Variants in RALY observed in about 807,000 individuals in gnomAD.
RALY encodes RALY heterogeneous nuclear ribonucleoprotein, also known as RNA-binding protein Raly.
A neutral mutation model predicts 30.7 loss-of-function variants in RALY; 15 were observed. The ratio of observed to expected loss-of-function variants is 0.49; its 90% CI spans 0.33 to 0.75. RALY has a LOEUF of 0.75. Among genes scored for constraint, RALY ranks in the 30% least tolerant of loss-of-function variants. The pLI is 0.02. For missense variants in RALY, 339 were observed against 414.3 expected (o/e 0.82, Z 1.58); for synonymous variants, 177 against 170.8 (o/e 1.04, Z -0.28).
chr20:33,998,225 A>G (rs930868523), intron 1 of RALY, among the ~76,000 whole-genome samples: 8 of 152,232 alleles, frequency 5.3e-5, no homozygotes, highest in Non-Finnish European at 1.2e-4. Flanking sequence ...GTGTTGTCAC[A>G]GGGACAGACA....
At chr20:34,072,784 C>T (rs1042283322) in intron 3 of RALY, among the ~76,000 whole-genome samples, 1 of 152,170 alleles carries the variant, frequency 6.6e-6, no homozygotes, top group African/African-American at 2.4e-5. Context: ...GAAGTATGTA[C>T]AGTGTTCATG....
chr20:34,068,518 A>C (rs2033640826), intron 2 of RALY, among the ~76,000 whole-genome samples: 1 of 152,162 alleles, frequency 6.6e-6, no homozygotes. Context: ...TCCCTCCCTA[A>C]CATTGATTGA....
At chr20:33,994,954 G>A (rs1194402803) in intron 1 of RALY, among the ~76,000 whole-genome samples, 1 of 152,192 alleles carries the variant, frequency 6.6e-6, no homozygotes, top group Non-Finnish European at 1.5e-5. Context: ...GAGGGGTCAA[G>A]TAATTTTCTC....
chr20:34,077,069 G>GGGGGTGGTGGTGGCA lies in RALY; in HGVS notation c.701_702insGGGTGGTGGTGGCAG (p.Ser244_Gly248dup). The GGGGGTGGTGGTGGCA allele has an allele frequency of 6.2e-7, 1 of 1,605,956 alleles. No individual in the cohort carries two copies. Among genetic ancestry groups the GGGGGTGGTGGTGGCA allele is most frequent in the Non-Finnish European group, 8.5e-7 (1 of 1,176,388 alleles). On this transcript the variant is annotated inframe_insertion, in exon 8 of 10. Coordinates refer to ENST00000246194, the MANE Select transcript of RALY (RefSeq NM_016732.3). ...TGATGGAGGTGGCGCCGGCGGCGGC[G>GGGGGTGGTGGTGGCA]GCGGTGGTGGTGGCAGCGGTGGCGG... is the stretch of plus-strand genomic sequence containing the variant.
Position 34,083,493 on chromosome 20 carries a change from CA to C in RALY, c.*3591del, listed in dbSNP as rs2034061218. On this transcript the variant is annotated 3_prime_UTR_variant, in exon 10 of 10. Coordinates refer to ENST00000246194, the MANE Select transcript of RALY (RefSeq NM_016732.3). The stretch of plus-strand genomic sequence containing the variant: ...CCAAAGTAAGTCACATGGCTAAGCC[CA>C]AATTCTTCTTAACAGGAGGAGCTTC... 2.6e-5 allele frequency: 4 copies of C among 152,184 alleles called. No individual in the cohort carries two copies. The highest frequency in any genetic ancestry group is 6.5e-5 in the Admixed American group (1 of 15,282). The allele number at this position is 152,184 out of a possible 1,614,324, so 9.4% of individuals were successfully genotyped here.
At chr20:34,073,705 G>T in intron 4 of RALY, 70 bp downstream of exon 4, 1 of 1,540,840 alleles carries the variant, frequency 6.5e-7, no homozygotes. Flanking sequence ...GTAAATGCTG[G>T]TGTGACAGTG....
chr20:34,065,743 C>A (rs556869513), intron 2 of RALY, among the ~76,000 whole-genome samples: 1 of 152,174 alleles, frequency 6.6e-6, no homozygotes, highest in African/African-American at 2.4e-5. Context: ...CCTTCTGAAC[C>A]ACCCGGATGT....
At chr20:34,025,721 G>A (rs1185611321) in intron 1 of RALY, among the ~76,000 whole-genome samples, 1 of 151,836 alleles carries the variant, frequency 6.6e-6, no homozygotes, top group Admixed American at 6.6e-5. Flanking sequence ...ACAAATGTAG[G>A]AGATTATTTC....
At chr20:34,017,803 A>G (rs912240102) in intron 1 of RALY, 1 of 152,196 alleles carries the variant, frequency 6.6e-6, no homozygotes, top group South Asian at 2.1e-4. Context: ...TGGTCATTCA[A>G]CAGATACTTG....
chr20:34,084,781 C>G lies in RALY; in HGVS notation c.*4876C>G, dbSNP rs138439291. On this transcript the variant is annotated 3_prime_UTR_variant, in exon 10 of 10. Coordinates refer to ENST00000246194, the MANE Select transcript of RALY (RefSeq NM_016732.3). Reference sequence around the variant, plus strand: ...ATGAGAGAGGAAGGCTTCAAGATGACTCCAGCCCAGCCACCGTCTGAGAAC... The same window carrying G: ...ATGAGAGAGGAAGGCTTCAAGATGAGTCCAGCCCAGCCACCGTCTGAGAAC... The G allele has an allele frequency of 4.7e-4, 72 of 152,552 alleles. No homozygotes were observed. The highest frequency in any genetic ancestry group is 1.6e-3 in the African/African-American group (68 of 41,584). 9.4% of individuals were successfully genotyped at this position (152,552 alleles called of 1,614,324 possible). A position where few individuals can be genotyped will look rare whatever the true frequency, so the allele number is the denominator to read the frequency against.
chr20:34,077,330 G>T, intron 8 of RALY, 85 bp downstream of exon 8: 1 of 1,576,654 alleles, frequency 6.3e-7, no homozygotes, highest in South Asian at 1.1e-5. Context: ...AGCCTGAGCT[G>T]GTTGCCCCCA....
At chr20:33,997,898 T>A (rs1161215079) in intron 1 of RALY, among the ~76,000 whole-genome samples, 1 of 152,102 alleles carries the variant, frequency 6.6e-6, no homozygotes, top group Non-Finnish European at 1.5e-5. Flanking sequence ...CATGTCACAC[T>A]CTCCTTAAAA....
Position 34,073,609 on chromosome 20 carries a change from A to C in RALY, c.303A>C (p.Leu101=). 3 of 1,605,228 alleles carry C rather than the reference A, an allele frequency of 1.9e-6. No homozygotes were observed. Among genetic ancestry groups the C allele is most frequent in the Non-Finnish European group, 2.6e-6 (3 of 1,171,822 alleles). Residue 101 remains leucine, a synonymous_variant, in exon 4 of 10, where the codon CTA becomes CTC. Coordinates refer to ENST00000246194, the MANE Select transcript of RALY (RefSeq NM_016732.3). ...CTAAGCCTGACAGACCCAAGGGGCTAAAGAGAGCAGCATCTGCCATATACA... is the reference window on the plus strand; with the variant it reads ...CTAAGCCTGACAGACCCAAGGGGCTCAAGAGAGCAGCATCTGCCATATACA... ...GEPKPDRPKG[L]KRAASAIYSG...
chr20:34,072,931 TG>T (rs1258105912), intron 3 of RALY, among the ~76,000 whole-genome samples: 2 of 18,066 alleles, frequency 1.1e-4, no homozygotes, highest in Admixed American at 7.6e-4. Context: ...ATAGATGTAG[TG>T]TGTGTGTGTG....
At position 34,077,972 on chromosome 20, in the gene RALY, G is replaced by A. The variant is rs368298463; in HGVS notation, c.877-533G>A. Among the ~76,000 whole-genome samples the A allele has an allele frequency of 2.6e-5, 4 of 152,266 alleles. No individual in the cohort carries two copies. In the East Asian group the frequency reaches 5.8e-4, roughly 22 times the overall value. On this transcript the variant is annotated intron_variant, in intron 8 of 9. Coordinates refer to ENST00000246194, the MANE Select transcript of RALY (RefSeq NM_016732.3). ...CAGGGCATCAGCTCGTAGGGACTGA[G>A]CCAGGGTTGGAGTCCAGACTGACTT...
intron 1 of RALY, among the ~76,000 whole-genome samples, chr20:34,005,764 G>C (rs949167057): frequency 6.6e-6 from 1 of 152,224 alleles, no homozygotes; most frequent in African/African-American, 2.4e-5. Context: ...GGGAGGTTAA[G>C]AGATATGCCG....
At chr20:34,012,790 T>G (rs1233130947) in intron 1 of RALY, among the ~76,000 whole-genome samples, 2 of 152,254 alleles carry the variant, frequency 1.3e-5, no homozygotes, top group Admixed American at 1.3e-4. Context: ...CCATATCACT[T>G]TGCTGCCTTT....
intron 2 of RALY, among the ~76,000 whole-genome samples, chr20:34,048,096 G>T (rs1303001660): frequency 6.6e-6 from 1 of 152,192 alleles, no homozygotes; most frequent in Non-Finnish European, 1.5e-5. Flanking sequence ...TGAACAAAAG[G>T]CTTCTTCTCT....
chr20:34,010,512 C>CA, intron 1 of RALY, among the ~76,000 whole-genome samples: 2 of 152,292 alleles, frequency 1.3e-5, no homozygotes, highest in South Asian at 4.1e-4. Context: ...GCTGGGATTA[C>CA]AGGCCTGAGC....
Sources: gnomAD v4.1 joint callset for allele counts (sites outside exome capture counted in the v4.1 genomes callset) on GRCh38, gnomAD v4.1.1 for gene constraint, MANE v1.5 for transcripts, NCBI Gene and HGNC (gene_info 2026-07-23, HGNC 2026-07-21) for gene names.